The following PHACTR1 variants were observed in gnomAD, a reference collection of about 807,000 sequenced individuals.
The protein encoded by PHACTR1 is RPEL repeat containing 1.
In PHACTR1, 16 loss-of-function variants were observed where a neutral mutation model predicts 69.2. The ratio of observed to expected loss-of-function variants is 0.23; its 90% confidence interval spans 0.16 to 0.35. PHACTR1 has a LOEUF of 0.35. Ranked by LOEUF, PHACTR1 falls within the 10% of genes least tolerant of loss-of-function variation. The pLI, the probability that PHACTR1 is intolerant of heterozygous loss-of-function variation, is 1.00. For synonymous variants in PHACTR1, 312 were observed against 284.5 expected (o/e 1.10, Z -0.97); for missense variants, 510 against 734.7 (o/e 0.69, Z 3.54).
chr6:13,287,108 T>C lies in PHACTR1; in HGVS notation c.*30T>C. On this transcript the variant is annotated 3_prime_UTR_variant, in exon 15 of 15. Transcript: ENST00000332995. ...CGAATTCCTCTTGAGTGCTATGCTG[T>C]CTTCAAAACATAAATTTATAAGAAC... The C allele has an allele frequency of 6.3e-7, 1 of 1,585,848 alleles. No homozygotes were observed. The highest frequency in any genetic ancestry group is 8.6e-7 in the Non-Finnish European group (1 of 1,161,460).
rs76894661 is a variant in PHACTR1 at position 12,920,525 on chromosome 6, A to C, written c.251-132840A>C. ...GAATGTTTTTCATTATCTCTTCATT[A>C]ATGGTAATCCATTCATTATTAAGTT... On this transcript the variant is annotated intron_variant, in intron 4 of 14. Transcript: ENST00000332995. Among the ~76,000 whole-genome samples, 1,390 of 152,344 alleles carry C rather than the reference A, an allele frequency of 9.1e-3. 29 individuals carry two copies. Among genetic ancestry groups the C allele is most frequent in the African/African-American group, 0.03 (1,267 of 41,580 alleles).
At chr6:13,270,143 CAAAT>C (rs995519775) in intron 10 of PHACTR1, among the ~76,000 whole-genome samples, 16 of 152,216 alleles carry the variant, frequency 1.1e-4, no homozygotes, top group Non-Finnish European at 2.4e-4. Flanking sequence ...TCTTTGTGTT[CAAAT>C]AATTTGCTAA....
intron 6 of PHACTR1, among the ~76,000 whole-genome samples, chr6:13,165,550 A>G (rs1759674740): frequency 6.6e-6 from 1 of 152,244 alleles, no homozygotes; most frequent in Non-Finnish European, 1.5e-5. Flanking sequence ...AGAAATAGGA[A>G]ATAATACATA....
At chr6:12,751,132 C>A (rs1766570315) in intron 4 of PHACTR1, among the ~76,000 whole-genome samples, 1 of 152,218 alleles carries the variant, frequency 6.6e-6, no homozygotes, top group South Asian at 2.1e-4. Context: ...AGCAACCATA[C>A]CCTTATGGCT....
At chr6:13,280,607 A>G in intron 12 of PHACTR1, 1 of 279,548 alleles carries the variant, frequency 3.6e-6, no homozygotes, top group Non-Finnish European at 7.0e-6. Flanking sequence ...ACTGTAATGC[A>G]CTAGTAAGAA....
At chr6:12,874,772 C>T (rs1782378441) in intron 4 of PHACTR1, among the ~76,000 whole-genome samples, 1 of 152,166 alleles carries the variant, frequency 6.6e-6, no homozygotes, top group South Asian at 2.1e-4. Context: ...ATGCCAATTT[C>T]CTCCTCCCCC....
rs768599508 is a variant in PHACTR1 at position 12,718,805 on chromosome 6, G to A, written c.61G>A (p.Val21Ile). The A allele has an allele frequency of 6.4e-7, 1 of 1,573,526 alleles. No individual in the cohort carries two copies. The highest frequency in any genetic ancestry group is 8.6e-7 in the Non-Finnish European group (1 of 1,156,924). ...DVESAHRLLD[V>I]ESAQRFFYSQ... ...AGAGTCTGCTCACAGACTCTTGGAT[G>A]TTGAGTCAGCTCAAAGATTCTTCTA... The change falls in exon 3 of 15, where the codon GTT becomes ATT. Residue 21 changes from valine to isoleucine, a missense_variant. Physicochemically the swap from Val to Ile is conservative, Grantham distance 29. This residue lies in a region of PHACTR1 where 419 missense variants were observed against 530.9 expected (regional missense o/e 0.79). Transcript: ENST00000332995.
In PHACTR1 at chr6:13,154,927, C is replaced by T. The variant is rs1229227750; in HGVS notation, c.416-5277C>T. Among the ~76,000 whole-genome samples, 3 of 152,090 alleles carry T rather than the reference C, an allele frequency of 2.0e-5. 1 individual carries two copies. In the East Asian group the frequency reaches 5.8e-4, roughly 29 times the overall value. On this transcript the variant is annotated intron_variant, in intron 5 of 14. Coordinates refer to ENST00000332995, the MANE Select transcript of PHACTR1 (RefSeq NM_030948.6). ...CATACCCAGTTTGTGAGAAGGGAAACCATTGTATTTTCTTTTTTCCCCATA... is the reference window on the plus strand; with the variant it reads ...CATACCCAGTTTGTGAGAAGGGAAATCATTGTATTTTCTTTTTTCCCCATA...
rs73362192 is a variant in PHACTR1 at position 12,913,474 on chromosome 6, C to T, written c.251-139891C>T. 3.6e-3 allele frequency among the ~76,000 whole-genome samples: 544 copies of T among 152,280 alleles called. 3 individuals carry two copies. Among genetic ancestry groups the T allele is most frequent in the African/African-American group, 0.012 (491 of 41,562 alleles). On this transcript the variant is annotated intron_variant, in intron 4 of 14. Coordinates refer to ENST00000332995, the MANE Select transcript of PHACTR1 (RefSeq NM_030948.6). Reference sequence around the variant, plus strand: ...AGACCATGTCTCCCCAGGAAATGTCCGAATGGATAAAACTGTTCTCAAATC... The same window carrying T: ...AGACCATGTCTCCCCAGGAAATGTCTGAATGGATAAAACTGTTCTCAAATC...
At chr6:13,153,932 A>AT (rs931295165) in intron 5 of PHACTR1, among the ~76,000 whole-genome samples, 44 of 152,114 alleles carry the variant, frequency 2.9e-4, no homozygotes, top group African/African-American at 9.4e-4. Context: ...TACTATTTTC[A>AT]TTTTTTTAAC....
intron 5 of PHACTR1, among the ~76,000 whole-genome samples, chr6:13,066,485 C>T (rs1009391340): frequency 2.0e-5 from 3 of 152,112 alleles, no homozygotes; most frequent in African/African-American, 4.8e-5. Context: ...CATAGTTGTG[C>T]ACAGGTTAGG....
At chr6:12,931,485 C>T (rs1788863271) in intron 4 of PHACTR1, among the ~76,000 whole-genome samples, 1 of 151,966 alleles carries the variant, frequency 6.6e-6, no homozygotes, top group African/African-American at 2.4e-5. Flanking sequence ...ATATAAATGT[C>T]CAGAGACCCA....
At chr6:13,260,619 C>T (rs768942823) in intron 10 of PHACTR1, among the ~76,000 whole-genome samples, 2 of 152,102 alleles carry the variant, frequency 1.3e-5, no homozygotes, top group Non-Finnish European at 2.9e-5. Context: ...AGAGGAATGC[C>T]GTCTCATTCA....
intron 4 of PHACTR1, among the ~76,000 whole-genome samples, chr6:12,807,541 C>T (rs1182264590): frequency 6.6e-6 from 1 of 152,174 alleles, no homozygotes; most frequent in Non-Finnish European, 1.5e-5. Flanking sequence ...AAGGATCCTG[C>T]TGATCAGTGC....
chr6:13,220,456 A>G (rs1562016568), intron 8 of PHACTR1, among the ~76,000 whole-genome samples: 1 of 152,206 alleles, frequency 6.6e-6, no homozygotes. Flanking sequence ...CATCAAGCTT[A>G]ATGACGTCAC....
At chr6:13,104,605 A>G (rs937097334) in intron 5 of PHACTR1, among the ~76,000 whole-genome samples, 1 of 152,220 alleles carries the variant, frequency 6.6e-6, no homozygotes, top group Non-Finnish European at 1.5e-5. Context: ...TTATTCCATT[A>G]ACTTATGAAA....
In PHACTR1 at chr6:12,726,513, A is replaced by G. The variant is rs1200306724; in HGVS notation, c.103+7666A>G. Among the ~76,000 whole-genome samples, 66 of 152,132 alleles carry G rather than the reference A, an allele frequency of 4.3e-4. 1 individual carries two copies. Among genetic ancestry groups the G allele is most frequent in the Admixed American group, 4.3e-3 (66 of 15,268 alleles). On this transcript the variant is annotated intron_variant, in intron 3 of 14. Coordinates refer to ENST00000332995, the MANE Select transcript of PHACTR1 (RefSeq NM_030948.6). ...TACCATCCCACTCACGCTTCTAACC[A>G]GACTCGAAGGAAGGCGGGTGTAGAC...
chr6:12,783,040 C>G (rs1356297596), intron 4 of PHACTR1, among the ~76,000 whole-genome samples: 1 of 152,160 alleles, frequency 6.6e-6, no homozygotes, highest in Non-Finnish European at 1.5e-5. Flanking sequence ...GTGATTTAAG[C>G]AAGACAAATG....
intron 4 of PHACTR1, among the ~76,000 whole-genome samples, chr6:13,020,228 G>A (rs940088577): frequency 2.0e-5 from 3 of 152,164 alleles, no homozygotes; most frequent in African/African-American, 7.2e-5. Flanking sequence ...CAGCCCAGGG[G>A]AAAAAATCAG....
Sources: gnomAD v4.1 joint callset for allele counts (sites outside exome capture counted in the v4.1 genomes callset) on GRCh38, gnomAD v4.1.1 for gene constraint, gnomAD v4.1.1 regional missense constraint, MANE v1.5 for transcripts, NCBI Gene and HGNC (gene_info 2026-07-23, HGNC 2026-07-21) for gene names.